REDIC1: variants seen among roughly 807,000 people sequenced by gnomAD.
REDIC1 encodes HEI10 Interacting Protein 1.
At chr12:39,898,278 T>C in the REDIC1 span, among the ~76,000 whole-genome samples, 1 of 152,134 alleles carries the variant, frequency 6.6e-6, no homozygotes, top group Non-Finnish European at 1.5e-5. Context: ...GAAGAAACTC[T>C]TTCGAAAATA....
chr12:39,682,949 C>CT, the REDIC1 span: 1 of 1,613,434 alleles, frequency 6.2e-7, no homozygotes, highest in Non-Finnish European at 8.5e-7. Context: ...AACCATGTCA[C>CT]TGACAGATGC....
chr12:39,748,264 G>T, the REDIC1 span, among the ~76,000 whole-genome samples: 7 of 151,958 alleles, frequency 4.6e-5, no homozygotes, highest in Admixed American at 3.9e-4. Flanking sequence ...AAAAGGCAGG[G>T]GTTGCAATCC....
the REDIC1 span, among the ~76,000 whole-genome samples, chr12:39,653,533 C>CTT: frequency 1.8e-5 from 1 of 56,016 alleles, no homozygotes; most frequent in Admixed American, 1.9e-4. Flanking sequence ...TCTTCTTCTT[C>CTT]TTCTTTTTCT....
chr12:39,798,742 C>A, the REDIC1 span, among the ~76,000 whole-genome samples: 2 of 152,080 alleles, frequency 1.3e-5, no homozygotes, highest in African/African-American at 4.8e-5. Context: ...TCTCATGACA[C>A]TTTTGGAAAC....
chr12:39,729,551 C>T, the REDIC1 span, among the ~76,000 whole-genome samples: 6 of 152,098 alleles, frequency 3.9e-5, no homozygotes, highest in Admixed American at 2.6e-4. Context: ...CATTCTTTTG[C>T]ATTTGCTGAG....
chr12:39,818,229 T>C, the REDIC1 span, among the ~76,000 whole-genome samples: 1 of 151,754 alleles, frequency 6.6e-6, no homozygotes, highest in Admixed American at 6.6e-5. Context: ...GTCATGTACA[T>C]CTAAAACTGA....
At chr12:39,753,825 A>G in the REDIC1 span, among the ~76,000 whole-genome samples, 1 of 152,156 alleles carries the variant, frequency 6.6e-6, no homozygotes, top group Non-Finnish European at 1.5e-5. Flanking sequence ...GGTAGACGGT[A>G]GTAGCATCTC....
the REDIC1 span, among the ~76,000 whole-genome samples, chr12:39,896,921 C>G: frequency 6.6e-6 from 1 of 152,046 alleles, no homozygotes; most frequent in Non-Finnish European, 1.5e-5. Context: ...ATTTGAACTT[C>G]CCAGAGAATG....
chr12:39,786,514 T>C, the REDIC1 span, among the ~76,000 whole-genome samples: 1 of 152,150 alleles, frequency 6.6e-6, no homozygotes, highest in African/African-American at 2.4e-5. Flanking sequence ...TGGTCATGTG[T>C]TCTAACTTAT....
At chr12:39,626,337 AT>A in the REDIC1 span, 3 of 1,614,132 alleles carry the variant, frequency 1.9e-6, no homozygotes, top group South Asian at 3.3e-5. Context: ...ATTTGGGAAG[AT>A]GAATTGGGTC....
the REDIC1 span, chr12:39,721,106 A>G: frequency 1.2e-5 from 20 of 1,613,666 alleles, no homozygotes; most frequent in Non-Finnish European, 4.2e-6. Context: ...TCTGTAATGG[A>G]GGAAAAATTA....
the REDIC1 span, among the ~76,000 whole-genome samples, chr12:39,860,284 A>G: frequency 1.3e-5 from 2 of 152,244 alleles, no homozygotes; most frequent in African/African-American, 4.8e-5. Flanking sequence ...GCCTTCCAGC[A>G]TGAATAGCTT....
the REDIC1 span, among the ~76,000 whole-genome samples, chr12:39,714,957 G>A: frequency 6.6e-6 from 1 of 151,908 alleles, no homozygotes; most frequent in Non-Finnish European, 1.5e-5. Flanking sequence ...GTAAATTCTG[G>A]ATATAAGTCC....
the REDIC1 span, among the ~76,000 whole-genome samples, chr12:39,833,382 A>G: frequency 2.0e-5 from 3 of 152,024 alleles, no homozygotes; most frequent in Non-Finnish European, 2.9e-5. Context: ...CTCCAAGAAC[A>G]ACTGCTCTGC....
At chr12:39,816,786 C>T in the REDIC1 span, among the ~76,000 whole-genome samples, 1 of 152,000 alleles carries the variant, frequency 6.6e-6, no homozygotes, top group Non-Finnish European at 1.5e-5. Context: ...TGCCTTCATC[C>T]TTAGTTCTTG....
the REDIC1 span, among the ~76,000 whole-genome samples, chr12:39,858,901 C>T: frequency 1.5e-4 from 23 of 152,158 alleles, no homozygotes; most frequent in South Asian, 2.1e-4. Flanking sequence ...GCACCGTGCC[C>T]GACCGTTTTT....
chr12:39,842,165 T>TAGG, the REDIC1 span, among the ~76,000 whole-genome samples: 1 of 152,008 alleles, frequency 6.6e-6, no homozygotes, highest in Non-Finnish European at 1.5e-5. Flanking sequence ...GAAGTTTATT[T>TAGG]AAAGGAAAGC....
At chr12:39,642,497 A>G in the REDIC1 span, among the ~76,000 whole-genome samples, 7 of 151,564 alleles carry the variant, frequency 4.6e-5, no homozygotes, top group South Asian at 4.2e-4. Flanking sequence ...ACCATCCCCA[A>G]TCACACTCAG....
At chr12:39,657,307 G>A in the REDIC1 span, among the ~76,000 whole-genome samples, 1 of 152,182 alleles carries the variant, frequency 6.6e-6, no homozygotes, top group Non-Finnish European at 1.5e-5. Flanking sequence ...TGTAGCCTAG[G>A]AGCAATAGGC....
Sources: allele counts gnomAD v4.1 joint callset (sites outside exome capture counted in the v4.1 genomes callset), GRCh38; gene constraint gnomAD v4.1.1; transcripts MANE v1.5; gene names NCBI Gene and HGNC (gene_info 2026-07-23, HGNC 2026-07-21).